NPAS2: variants seen among roughly 807,000 people sequenced by gnomAD.
The protein encoded by NPAS2 is neuronal PAS domain protein 2.
In NPAS2, 23 loss-of-function variants were observed where a neutral mutation model predicts 107.5. The observed-to-expected ratio is 0.21, with a 90% confidence interval of 0.15 to 0.30. NPAS2 has a LOEUF of 0.30. NPAS2 is among the 10% of genes least tolerant of loss of function. The pLI, the probability that NPAS2 is intolerant of heterozygous loss-of-function variation, is 1.00. For missense variants in NPAS2, 756 were observed against 1,043.3 expected, an observed-to-expected ratio of 0.72 and a Z score of 3.79; for synonymous variants, 403 against 417.5, an observed-to-expected ratio of 0.97 and a Z score of 0.42.
chr2:100,953,232 G>A (rs369674352), intron 7 of NPAS2, among the ~76,000 whole-genome samples: 45 of 151,906 alleles, frequency 3.0e-4, no homozygotes, highest in African/African-American at 8.2e-4. Context: ...AGAATTAGCC[G>A]AGTGTGGTGG....
intron 1 of NPAS2, among the ~76,000 whole-genome samples, chr2:100,850,953 C>CAA (rs148858541): frequency 0.042 from 1,758 of 41,826 alleles, 457 homozygotes; most frequent in East Asian, 0.13. Context: ...AACTCTGTCT[C>CAA]AAAAAAAAAA....
intron 3 of NPAS2, 35 bp from the exon 4 acceptor site, chr2:100,932,875 T>C: frequency 6.9e-7 from 1 of 1,447,550 alleles, no homozygotes; most frequent in Non-Finnish European, 9.7e-7. Flanking sequence ...CTAGGTGCCA[T>C]TGAATATAAA....
Position 100,968,505 on chromosome 2 carries a change from T to C in NPAS2, c.1055+77T>C. The C allele has an allele frequency of 7.0e-7, 1 of 1,424,570 alleles. No homozygotes were observed. Among genetic ancestry groups the C allele is most frequent in the South Asian group, 1.2e-5 (1 of 81,578 alleles). The allele number at this position is 1,424,570 out of a possible 1,614,324, so 88.2% of individuals were successfully genotyped here. Reference sequence around the variant, plus strand: ...GGGTGCAGGATGGCGTGGCCCCTGATGGCCAAGTCAGATCAGCAGTCACTC... The same window carrying C: ...GGGTGCAGGATGGCGTGGCCCCTGACGGCCAAGTCAGATCAGCAGTCACTC... On this transcript the variant is annotated intron_variant, in intron 11 of 20. Transcript: ENST00000335681. The surrounding 1 kb of genome is among the most constrained non-coding windows in gnomAD (Gnocchi z 5.3).
chr2:100,967,630 T>C (rs1339218638), intron 10 of NPAS2, among the ~76,000 whole-genome samples: 1 of 152,130 alleles, frequency 6.6e-6, no homozygotes, highest in Non-Finnish European at 1.5e-5. Context: ...ACCCAAATCA[T>C]TCTTCTTCCT....
chr2:100,898,065 C>A (rs1191795578), intron 1 of NPAS2, among the ~76,000 whole-genome samples: 1 of 152,120 alleles, frequency 6.6e-6, no homozygotes, highest in African/African-American at 2.4e-5. Context: ...CATTCTCAAT[C>A]AAAATCGCAT....
chr2:100,821,395 G>C (rs2104297306), intron 1 of NPAS2, among the ~76,000 whole-genome samples: 1 of 152,102 alleles, frequency 6.6e-6, no homozygotes, highest in East Asian at 1.9e-4. Flanking sequence ...GTCCCGGAGA[G>C]GAGTTTCGTC....
intron 2 of NPAS2, among the ~76,000 whole-genome samples, chr2:100,907,132 C>G (rs1005337811): frequency 1.9e-4 from 29 of 152,274 alleles, no homozygotes; most frequent in African/African-American, 7.0e-4. Context: ...CCATCCCTGC[C>G]TCTCTCCTGC....
intron 4 of NPAS2, among the ~76,000 whole-genome samples, chr2:100,936,731 A>G (rs897188241): frequency 2.6e-5 from 4 of 152,240 alleles, no homozygotes; most frequent in South Asian, 4.1e-4. Flanking sequence ...CTGTAATCCC[A>G]GCACTTTGGG....
chr2:100,863,946 A>C (rs868260139), intron 1 of NPAS2, among the ~76,000 whole-genome samples: 5 of 152,212 alleles, frequency 3.3e-5, no homozygotes, highest in Non-Finnish European at 7.3e-5. Flanking sequence ...CACGCTGCCA[A>C]ATCCAAGCCA....
At chr2:100,917,267 C>G (rs563491716) in intron 2 of NPAS2, among the ~76,000 whole-genome samples, 2 of 152,258 alleles carry the variant, frequency 1.3e-5, no homozygotes, top group East Asian at 3.9e-4. Flanking sequence ...TGGCTCATGC[C>G]TGTAATCCCA....
chr2:100,961,311 TTATTTCA>T (rs919458183), intron 7 of NPAS2, among the ~76,000 whole-genome samples: 1 of 152,192 alleles, frequency 6.6e-6, no homozygotes, highest in Non-Finnish European at 1.5e-5. Context: ...CAGGAAAAAG[TTATTTCA>T]AATGCAACTG....
At chr2:100,819,617 G>A (rs1362339147), upstream of NPAS2, among the ~76,000 whole-genome samples, 1 of 152,212 alleles carries the variant, frequency 6.6e-6, no homozygotes, top group African/African-American at 2.4e-5. This position sits in a 1 kb window ranked among gnomAD's most constrained non-coding sequence, Gnocchi z 5.8. Context: ...TCGCGTGCTC[G>A]TCCCCCTTCA....
intron 1 of NPAS2, among the ~76,000 whole-genome samples, chr2:100,885,854 C>A (rs1483323225): frequency 6.6e-6 from 1 of 151,992 alleles, no homozygotes; most frequent in Non-Finnish European, 1.5e-5. Context: ...GTAGAGACAG[C>A]CTAGCCATGT....
chr2:100,968,495 T>C lies in NPAS2; in HGVS notation c.1055+67T>C. ...CCTGGGGGAGGGGTGCAGGATGGCG[T>C]GGCCCCTGATGGCCAAGTCAGATCA... On this transcript the variant is annotated intron_variant, in intron 11 of 20. Transcript: ENST00000335681. This position sits in a 1 kb window ranked among gnomAD's most constrained non-coding sequence, Gnocchi z 5.3. The C allele has an allele frequency of 6.8e-7, 1 of 1,464,090 alleles. No individual in the cohort carries two copies. Among genetic ancestry groups the C allele is most frequent in the South Asian group, 1.2e-5 (1 of 83,428 alleles). 90.7% of individuals were successfully genotyped at this position (1,464,090 alleles called of 1,614,324 possible). A position where few individuals can be genotyped will look rare whatever the true frequency, so the allele number is the denominator to read the frequency against.
intron 1 of NPAS2, among the ~76,000 whole-genome samples, chr2:100,838,536 C>CCAAA (rs1677201633): frequency 1.3e-5 from 2 of 152,162 alleles, no homozygotes; most frequent in South Asian, 4.1e-4. Context: ...CCTCGGCCTC[C>CCAAA]CAAAGTACTG....
chr2:100,957,826 A>G (rs367550805), intron 7 of NPAS2, among the ~76,000 whole-genome samples: 22 of 152,098 alleles, frequency 1.4e-4, no homozygotes, highest in African/African-American at 4.1e-4. Flanking sequence ...TACTCGGGAG[A>G]CTGAGGCAGG....
intron 1 of NPAS2, among the ~76,000 whole-genome samples, chr2:100,836,781 T>C (rs1259916757): frequency 1.3e-5 from 2 of 152,108 alleles, no homozygotes; most frequent in Non-Finnish European, 2.9e-5. Flanking sequence ...ACATGTATAA[T>C]GTTGGGGGAA....
At chr2:100,829,955 A>G (rs1292991894) in intron 1 of NPAS2, among the ~76,000 whole-genome samples, 2 of 152,180 alleles carry the variant, frequency 1.3e-5, no homozygotes, top group Non-Finnish European at 2.9e-5. Context: ...GCTGTCCTCC[A>G]ATAGGAAAGG....
intron 16 of NPAS2, chr2:100,983,705 C>A (rs1677611011): frequency 1.3e-5 from 2 of 152,272 alleles, no homozygotes; most frequent in African/African-American, 2.4e-5. Context: ...AAAGGCTCGG[C>A]CTTCTCGTGA....
Sources: allele counts gnomAD v4.1 joint callset (sites outside exome capture counted in the v4.1 genomes callset), GRCh38; gene constraint gnomAD v4.1.1; non-coding constraint Gnocchi (gnomAD v3.1); transcripts MANE v1.5; gene names NCBI Gene and HGNC (gene_info 2026-07-23, HGNC 2026-07-21).